The following LRRC37A2 variants were observed in gnomAD, a reference collection of about 807,000 sequenced individuals.
The protein encoded by LRRC37A2 is leucine-rich repeat-containing protein 37A2.
In LRRC37A2, 9 loss-of-function variants were observed where a neutral mutation model predicts 68.8. The observed-to-expected ratio is 0.13, with a 90% confidence interval of 0.08 to 0.23. The LOEUF is 0.23. LRRC37A2 is among the 10% of genes least tolerant of loss of function. The pLI is 1.00. For missense variants in LRRC37A2, 168 were observed against 950.4 expected (o/e 0.18, Z 10.82); for synonymous variants, 63 against 367.6 (o/e 0.17, Z 9.48).
the LRRC37A2 span, among the ~76,000 whole-genome samples, chr17:46,753,409 T>C: frequency 6.6e-6 from 1 of 152,374 alleles, no homozygotes; most frequent in East Asian, 1.9e-4. Context: ...TCTAATTTAA[T>C]CTACTGAGCT....
At chr17:46,938,597 A>T in the LRRC37A2 span, 1 of 1,612,878 alleles carries the variant, frequency 6.2e-7, no homozygotes, top group Non-Finnish European at 8.5e-7. Context: ...CTTCTGCCCC[A>T]GGGGACTCAG....
chr17:46,874,789 A>T, the LRRC37A2 span, among the ~76,000 whole-genome samples: 1 of 152,114 alleles, frequency 6.6e-6, no homozygotes, highest in East Asian at 1.9e-4. Context: ...TATTGGCCAG[A>T]CTGGTCTTGA....
At chr17:46,851,699 G>A in the LRRC37A2 span, 5 of 1,302,608 alleles carry the variant, frequency 3.8e-6, no homozygotes, top group South Asian at 2.4e-5. This position sits in a 1 kb window ranked among gnomAD's most constrained non-coding sequence, Gnocchi z 4.3. Context: ...GCCCGCCGCC[G>A]CCGCCTCCTA....
At chr17:46,851,576 G>A in the LRRC37A2 span, 1 of 950,190 alleles carries the variant, frequency 1.1e-6, no homozygotes. The surrounding 1 kb of genome is among the most constrained non-coding windows in gnomAD (Gnocchi z 4.3). Flanking sequence ...CGGGCGGGTG[G>A]TGGCGGAGCT....
At chr17:46,718,180 G>A in the LRRC37A2 span, among the ~76,000 whole-genome samples, 1 of 152,324 alleles carries the variant, frequency 6.6e-6, no homozygotes, top group South Asian at 2.1e-4. Context: ...GAACCTTGGT[G>A]TTTGCTCTCC....
At chr17:46,729,793 A>G in the LRRC37A2 span, among the ~76,000 whole-genome samples, 1 of 152,224 alleles carries the variant, frequency 6.6e-6, no homozygotes, top group Non-Finnish European at 1.5e-5. Flanking sequence ...TTTTTAATTT[A>G]ACAGTTATAT....
intron 11 of LRRC37A2, among the ~76,000 whole-genome samples, chr17:46,551,011 T>C (rs1206682642): frequency 6.7e-6 from 1 of 149,770 alleles, no homozygotes; most frequent in East Asian, 1.9e-4. Flanking sequence ...TCTAAATAGG[T>C]CCAGTTAAAG....
At chr17:46,846,621 G>A in the LRRC37A2 span, among the ~76,000 whole-genome samples, 1 of 152,240 alleles carries the variant, frequency 6.6e-6, no homozygotes, top group African/African-American at 2.4e-5. Flanking sequence ...ATGGCTGGGT[G>A]GGGGGCCACC....
the LRRC37A2 span, among the ~76,000 whole-genome samples, chr17:46,938,333 A>G: frequency 6.6e-6 from 1 of 152,230 alleles, no homozygotes; most frequent in South Asian, 2.1e-4. Flanking sequence ...TATATAAAAT[A>G]CATACCTGTG....
chr17:47,018,781 T>C, the LRRC37A2 span: 37 of 1,521,160 alleles, frequency 2.4e-5, no homozygotes, highest in Non-Finnish European at 3.2e-5. Context: ...AATGTAGTTG[T>C]AGCTCAACCT....
At chr17:46,783,534 G>T in the LRRC37A2 span, among the ~76,000 whole-genome samples, 1 of 152,230 alleles carries the variant, frequency 6.6e-6, no homozygotes, top group African/African-American at 2.4e-5. Flanking sequence ...CATTTCTTGA[G>T]CACCTACTAG....
At chr17:46,935,544 G>A in the LRRC37A2 span, 1 of 1,234,556 alleles carries the variant, frequency 8.1e-7, no homozygotes, top group Non-Finnish European at 1.0e-6. Flanking sequence ...TCGCTTTAAG[G>A]TGGCTTTCCC....
chr17:46,724,973 G>T, the LRRC37A2 span, among the ~76,000 whole-genome samples: 1 of 151,974 alleles, frequency 6.6e-6, no homozygotes, highest in African/African-American at 2.4e-5. Context: ...TTTAAAATGT[G>T]TAAATTTATT....
chr17:46,707,757 C>T, the LRRC37A2 span, among the ~76,000 whole-genome samples: 2 of 151,992 alleles, frequency 1.3e-5, no homozygotes, highest in African/African-American at 2.4e-5. Context: ...ATGGGCCAGG[C>T]GTGGTGGCTC....
chr17:46,485,932 C>T, the LRRC37A2 span, among the ~76,000 whole-genome samples: 1 of 83,132 alleles, frequency 1.2e-5, no homozygotes, highest in East Asian at 2.5e-4. Context: ...CGTCCGAGAT[C>T]GCGCCACTGC....
rs1035420102 is a variant in LRRC37A2, at chr17:46,550,920, GGA to G, written c.4809+407_4809+408del. Among the ~76,000 whole-genome samples, 50 of 148,636 alleles carry G rather than the reference GGA, an allele frequency of 3.4e-4. 6 individuals are homozygous for G. Among genetic ancestry groups the G allele is most frequent in the African/African-American group, 1.2e-3 (46 of 38,332 alleles). On this transcript the variant is annotated intron_variant, in intron 11 of 14. Coordinates refer to ENST00000576629, the Ensembl canonical transcript of LRRC37A2. ...GAGTTGTCATCACCCTGGAGAGGAA[GGA>G]GAGAGCCAAAAGACATACGTATTGT...
At chr17:46,491,466 A>G in the LRRC37A2 span, among the ~76,000 whole-genome samples, 2 of 142,644 alleles carry the variant, frequency 1.4e-5, no homozygotes, top group African/African-American at 2.9e-5. Flanking sequence ...GCAAACATGA[A>G]TCATGTACAC....
At chr17:47,042,920 T>C in the LRRC37A2 span, among the ~76,000 whole-genome samples, 2 of 144,450 alleles carry the variant, frequency 1.4e-5, no homozygotes, top group African/African-American at 5.1e-5. Context: ...TGAGTTCAAA[T>C]TACAGCTTTG....
At chr17:46,534,626 T>A (rs1230544689) in intron 6 of LRRC37A2, among the ~76,000 whole-genome samples, 1 of 148,482 alleles carries the variant, frequency 6.7e-6, no homozygotes, top group East Asian at 2.0e-4. Flanking sequence ...CAATCTGATT[T>A]CTGTATCTTT....
Sources: allele counts gnomAD v4.1 joint callset (sites outside exome capture counted in the v4.1 genomes callset), GRCh38; gene constraint gnomAD v4.1.1; non-coding constraint Gnocchi (gnomAD v3.1); transcripts MANE v1.5; gene names NCBI Gene and HGNC (gene_info 2026-07-23, HGNC 2026-07-21).